The following SHANK2 variants were observed in gnomAD, a reference collection of about 807,000 sequenced individuals.
The protein encoded by SHANK2 is SH3 and multiple ankyrin repeat domains protein 2.
In SHANK2, 43 loss-of-function variants were observed where a neutral mutation model predicts 133.7. That is an observed-to-expected ratio of 0.32 (90% confidence interval 0.25 to 0.41). SHANK2 has a LOEUF of 0.41. SHANK2 is among the 10% of genes least tolerant of loss of function. The pLI, the probability that SHANK2 is intolerant of heterozygous loss-of-function variation, is 1.00. For synonymous variants in SHANK2, 1,017 were observed against 952.8 expected, an observed-to-expected ratio of 1.07 and a Z score of -1.24; for missense variants, 1,994 against 2,235.8, an observed-to-expected ratio of 0.89 and a Z score of 2.18.
At chr11:70,621,179 C>A (rs536119780) in intron 17 of SHANK2, among the ~76,000 whole-genome samples, 12 of 152,318 alleles carry the variant, frequency 7.9e-5, no homozygotes, top group African/African-American at 2.4e-4. Context: ...CCCTGGGCAG[C>A]CTGCTCTGAC....
intron 15 of SHANK2, among the ~76,000 whole-genome samples, chr11:70,680,915 G>A (rs1165572085): frequency 1.3e-5 from 2 of 152,114 alleles, no homozygotes; most frequent in Non-Finnish European, 2.9e-5. Context: ...AAGCAGGCAG[G>A]TCCTGCGGCC....
intron 17 of SHANK2, among the ~76,000 whole-genome samples, chr11:70,640,825 C>T (rs2134152976): frequency 6.6e-6 from 1 of 152,330 alleles, no homozygotes; most frequent in South Asian, 2.1e-4. Context: ...GGCAAGTCCA[C>T]CTTGCAGAGC....
chr11:70,863,052 G>A (rs572619636), intron 11 of SHANK2, among the ~76,000 whole-genome samples: 29 of 152,316 alleles, frequency 1.9e-4, no homozygotes, highest in Non-Finnish European at 3.2e-4. Context: ...TTACGGAGCA[G>A]GGGTAGCATC....
intron 14 of SHANK2, among the ~76,000 whole-genome samples, chr11:70,773,491 G>A (rs1947298796): frequency 6.6e-6 from 1 of 152,216 alleles, no homozygotes; most frequent in Non-Finnish European, 1.5e-5. Context: ...TAATCATAGA[G>A]AATGAGCTTA....
intron 1 of SHANK2, among the ~76,000 whole-genome samples, chr11:71,242,215 G>A (rs898677874): frequency 2.6e-5 from 4 of 152,226 alleles, no homozygotes; most frequent in Non-Finnish European, 4.4e-5. Context: ...ACTGGTGGTC[G>A]CCAGGGGCTG....
At chr11:70,805,748 G>C (rs2084057) in intron 13 of SHANK2, among the ~76,000 whole-genome samples, 3 of 149,778 alleles carry the variant, frequency 2.0e-5, no homozygotes, top group African/African-American at 7.7e-5. Flanking sequence ...AATAAAAACA[G>C]ATAAACAGAA....
intron 14 of SHANK2, among the ~76,000 whole-genome samples, chr11:70,749,932 AAAT>A (rs1946720152): frequency 6.6e-6 from 1 of 152,230 alleles, no homozygotes; most frequent in Non-Finnish European, 1.5e-5. Context: ...GTATTTTAAG[AAAT>A]AATAAACAAA....
At chr11:71,104,547 C>A (rs116139836) in intron 6 of SHANK2, among the ~76,000 whole-genome samples, 1 of 152,198 alleles carries the variant, frequency 6.6e-6, no homozygotes, top group Non-Finnish European at 1.5e-5. Context: ...TTGGAACTTG[C>A]GTTTAGCTTG....
At chr11:70,591,501 G>A (rs35439357) in intron 17 of SHANK2, among the ~76,000 whole-genome samples, 41,211 of 151,768 alleles carry the variant, frequency 0.27, 5,949 homozygotes, top group African/African-American at 0.35. Flanking sequence ...GGACTCAAAC[G>A]CTGTCAACTT....
intron 1 of SHANK2, among the ~76,000 whole-genome samples, chr11:71,240,634 A>G (rs1954878061): frequency 6.6e-6 from 1 of 152,236 alleles, no homozygotes; most frequent in Non-Finnish European, 1.5e-5. Context: ...AGACACATCA[A>G]AAAAATAAAA....
intron 14 of SHANK2, among the ~76,000 whole-genome samples, chr11:70,744,397 C>A (rs1216721283): frequency 1.3e-5 from 2 of 152,210 alleles, no homozygotes; most frequent in Non-Finnish European, 2.9e-5. Context: ...CCTCTAAGCA[C>A]CCTCTCTGCG....
intron 15 of SHANK2, among the ~76,000 whole-genome samples, chr11:70,682,068 C>T (rs1945040520): frequency 6.6e-6 from 1 of 152,134 alleles, no homozygotes; most frequent in Admixed American, 6.5e-5. Context: ...GCAGCCCAAA[C>T]CTGCTGGAGG....
chr11:70,542,244 A>G (rs1429795863), intron 17 of SHANK2, among the ~76,000 whole-genome samples: 1 of 152,178 alleles, frequency 6.6e-6, no homozygotes, highest in Non-Finnish European at 1.5e-5. Flanking sequence ...GGATTTCGAG[A>G]TGAGATCATC....
At chr11:71,199,695 C>T (rs1555116757) in intron 2 of SHANK2, among the ~76,000 whole-genome samples, 1 of 152,182 alleles carries the variant, frequency 6.6e-6, no homozygotes, top group Admixed American at 6.5e-5. Context: ...GCAGCTGGGT[C>T]GTCAGGAACC....
chr11:70,709,701 G>A (rs1245291997), intron 14 of SHANK2, among the ~76,000 whole-genome samples: 1 of 152,196 alleles, frequency 6.6e-6, no homozygotes, highest in African/African-American at 2.4e-5. Flanking sequence ...TGGGCCGATG[G>A]AGCGTGTGGC....
intron 17 of SHANK2, among the ~76,000 whole-genome samples, chr11:70,589,113 G>A (rs374671457): frequency 1.3e-4 from 20 of 152,292 alleles, no homozygotes; most frequent in African/African-American, 3.8e-4. Flanking sequence ...CACTGCGCCC[G>A]GCCAAGACAG....
intron 17 of SHANK2, among the ~76,000 whole-genome samples, chr11:70,638,420 G>A (rs1396184412): frequency 1.3e-5 from 2 of 152,166 alleles, no homozygotes; most frequent in Non-Finnish European, 2.9e-5. Flanking sequence ...TGAGGGTCTG[G>A]GGCTGCAGGA....
chr11:70,489,836 T>G, intron 23 of SHANK2: 1 of 260,912 alleles, frequency 3.8e-6, no homozygotes, highest in South Asian at 4.7e-5. Flanking sequence ...TTTCGAGACC[T>G]GACCCAACCA....
At chr11:70,631,873 C>T (rs1207321974) in intron 17 of SHANK2, 3 of 151,976 alleles carry the variant, frequency 2.0e-5, no homozygotes, top group Non-Finnish European at 2.9e-5. Context: ...GTGCTGAGCG[C>T]CCATCTGCGC....
Sources: gnomAD v4.1 joint callset for allele counts (sites outside exome capture counted in the v4.1 genomes callset) on GRCh38, gnomAD v4.1.1 for gene constraint, MANE v1.5 for transcripts, NCBI Gene and HGNC (gene_info 2026-07-23, HGNC 2026-07-21) for gene names.